Variants in MTHFD1 observed in about 807,000 individuals in gnomAD.
MTHFD1 encodes the protein methylenetetrahydrofolate dehydrogenase, cyclohydrolase and formyltetrahydrofolate synthetase 1.
Under a neutral mutation model 110.3 loss-of-function variants are expected in MTHFD1, and 44 were observed. The ratio of observed to expected loss-of-function variants is 0.40; its 90% CI spans 0.31 to 0.51. The LOEUF is 0.51. Ranked by LOEUF, MTHFD1 falls within the 20% of genes least tolerant of loss-of-function variation. The pLI, the probability that MTHFD1 is intolerant of heterozygous loss-of-function variation, is 0.60. For missense variants in MTHFD1, 909 were observed against 1,173.1 expected (o/e 0.77, Z 3.29); for synonymous variants, 402 against 428.8 (o/e 0.94, Z 0.77).
chr14:64,442,096 G>A lies in MTHFD1; in HGVS notation c.1927G>A (p.Ala643Thr), dbSNP rs765252643. The change falls in exon 20 of 28, where the codon GCA becomes ACA. Residue 643 changes from alanine (A) to threonine (T), a missense_variant. Coordinates refer to ENST00000652337, the MANE Select transcript of MTHFD1 (RefSeq NM_005956.4). ...FVHAGPFANI[A>T]HGNSSIIADR... ...CCATGCTGGCCCGTTTGCCAACATC[G>A]CACATGGCAATTCCTCCATCATTGC... The A allele has an allele frequency of 3.7e-6, 6 of 1,614,138 alleles. No homozygotes were observed. The highest frequency in any genetic ancestry group is 5.1e-6 in the Non-Finnish European group (6 of 1,180,032).
intron 8 of MTHFD1, among the ~76,000 whole-genome samples, chr14:64,421,875 T>G (rs555797512): frequency 1.2e-4 from 19 of 152,206 alleles, no homozygotes; most frequent in African/African-American, 4.1e-4. Context: ...TCCGCCCACC[T>G]TTGCCTCCCA....
At position 64,442,131 on chromosome 14, in the gene MTHFD1, C is replaced by T. The variant is rs1216218085; in HGVS notation, c.1962C>T (p.Ile654=). ...HGNSSIIADR[I]ALKLVGPEGF... ...ATTCCTCCATCATTGCAGACCGGAT[C>T]GCACTCAAGCTTGTTGGCCCAGAAG... The change falls in exon 20 of 28, where the codon ATC becomes ATT. Residue 654 remains isoleucine, a synonymous_variant. Coordinates refer to ENST00000652337, the MANE Select transcript of MTHFD1 (RefSeq NM_005956.4). 1.9e-5 allele frequency: 30 copies of T among 1,614,024 alleles called. No homozygotes were observed. The highest frequency in any genetic ancestry group is 2.4e-5 in the Non-Finnish European group (28 of 1,180,020).
chr14:64,430,910 T>C (rs1439905432), intron 13 of MTHFD1, among the ~76,000 whole-genome samples: 2 of 152,136 alleles, frequency 1.3e-5, no homozygotes, highest in Non-Finnish European at 2.9e-5. Context: ...CCTCGCTGTT[T>C]TGAGGTGTGT....
intron 19 of MTHFD1, chr14:64,441,777 T>C (rs1401763940): frequency 3.6e-6 from 2 of 554,076 alleles, no homozygotes; most frequent in Non-Finnish European, 6.4e-6. Context: ...CACTCCAGAC[T>C]GGGCGACAGA....
At chr14:64,400,756 CA>C in intron 1 of MTHFD1, 36 bp from the exon 2 acceptor site, 1 of 1,287,232 alleles carries the variant, frequency 7.8e-7, no homozygotes. Flanking sequence ...GTGCTTGAAA[CA>C]TTCAGTGTTA....
chr14:64,440,004 C>G, intron 17 of MTHFD1, 122 bp from the exon 18 acceptor site: 2 of 719,404 alleles, frequency 2.8e-6, no homozygotes, highest in East Asian at 2.9e-5. Context: ...GGGTAGTATT[C>G]TGTTATTCTA....
At chr14:64,455,783 CTT>C (rs1170698512) in intron 26 of MTHFD1, among the ~76,000 whole-genome samples, 1 of 152,238 alleles carries the variant, frequency 6.6e-6, no homozygotes, top group African/African-American at 2.4e-5. Flanking sequence ...CTCTTCAGAT[CTT>C]GGCCTTGGGC....
At chr14:64,444,994 A>G in intron 22 of MTHFD1, 1 of 508,626 alleles carries the variant, frequency 2.0e-6, no homozygotes. Flanking sequence ...GCTGATTTTG[A>G]CCCCGGGGAC....
intron 21 of MTHFD1, among the ~76,000 whole-genome samples, chr14:64,442,951 C>T (rs1243493985): frequency 6.6e-6 from 1 of 152,156 alleles, no homozygotes; most frequent in African/African-American, 2.4e-5. Flanking sequence ...TTTTGTATTT[C>T]TCTGAATTCC....
At chr14:64,431,985 T>A (rs2078164107) in intron 15 of MTHFD1, 124 bp downstream of exon 15, 1 of 819,116 alleles carries the variant, frequency 1.2e-6, no homozygotes, top group Non-Finnish European at 2.1e-6. Flanking sequence ...AATCATAGTC[T>A]TAAAGTCATG....
chr14:64,436,134 G>A lies in MTHFD1; in HGVS notation c.1597+463G>A, dbSNP rs550227944. On this transcript the variant is annotated intron_variant, in intron 16 of 27. Transcript: ENST00000652337. ...TTTTGAGATGGAGTCTCGCTCTGTC[G>A]CCCAGGCTAGAGTGCAGTGGCACAG... is the stretch of plus-strand genomic sequence containing the variant. Among the ~76,000 whole-genome samples the A allele has an allele frequency of 6.4e-4, 97 of 150,726 alleles. 1 individual carries two copies. Among genetic ancestry groups the A allele is most frequent in the African/African-American group, 2.0e-3 (81 of 40,994 alleles).
intron 19 of MTHFD1, 44 bp downstream of exon 19, chr14:64,441,497 T>C: frequency 6.3e-7 from 1 of 1,594,402 alleles, no homozygotes. Context: ...TTTTGGACAG[T>C]CAGAGCAGAG....
chr14:64,388,509 G>C, intron 1 of MTHFD1, 41 bp downstream of exon 1: 1 of 1,580,980 alleles, frequency 6.3e-7, no homozygotes, highest in Non-Finnish European at 8.7e-7. Flanking sequence ...GGCTGTGGAC[G>C]AGGGCTCTGA....
chr14:64,414,358 C>T (rs556181372), intron 4 of MTHFD1, among the ~76,000 whole-genome samples: 46 of 139,660 alleles, frequency 3.3e-4, no homozygotes, highest in African/African-American at 1.2e-3. Flanking sequence ...GTGGCATGAT[C>T]TCAGCTCACT....
At chr14:64,454,937 C>T (rs752857329) in intron 26 of MTHFD1, 62 bp downstream of exon 26, 8 of 1,563,340 alleles carry the variant, frequency 5.1e-6, no homozygotes, top group Admixed American at 1.7e-5. Flanking sequence ...AGTGTGTTGC[C>T]GAAACCATCA....
At chr14:64,441,048 C>T (rs1256141) in intron 18 of MTHFD1, 59,547 of 345,074 alleles carry the variant, frequency 0.17, 5,423 homozygotes, top group Middle Eastern at 0.22. Flanking sequence ...AAAAATTAGC[C>T]GGGCATAGTG....
chr14:64,455,035 C>A, intron 26 of MTHFD1, 160 bp downstream of exon 26: 1 of 754,358 alleles, frequency 1.3e-6, no homozygotes, highest in Non-Finnish European at 2.3e-6. Flanking sequence ...AGCTATAAAG[C>A]AGGAGCTATA....
intron 12 of MTHFD1, among the ~76,000 whole-genome samples, chr14:64,428,102 GTTTTTTTTT>G (rs11289659): frequency 4.0e-5 from 3 of 74,726 alleles, no homozygotes; most frequent in Admixed American, 2.0e-4. Context: ...AAGAACATGT[GTTTTTTTTT>G]TTTTTTTTTT....
chr14:64,440,107 C>A lies in MTHFD1; in HGVS notation c.1675-19C>A. The A allele has an allele frequency of 1.2e-6, 2 of 1,608,966 alleles. No individual in the cohort carries two copies. The highest frequency in any genetic ancestry group is 2.0e-4 in the Middle Eastern group (1 of 4,934). ...TTTAACACAAAGTTTTTGCTAGTAC[C>A]TCTTTTCCCTGCCCACAGGCCCAGT... On this transcript the variant is annotated intron_variant, in intron 17 of 27. Transcript: ENST00000652337.
Sources: allele counts gnomAD v4.1 joint callset (sites outside exome capture counted in the v4.1 genomes callset), GRCh38; gene constraint gnomAD v4.1.1; transcripts MANE v1.5; gene names NCBI Gene and HGNC (gene_info 2026-07-23, HGNC 2026-07-21).